The following NAV2 variants were observed in gnomAD, a reference collection of about 807,000 sequenced individuals.
The protein encoded by NAV2 is helicase, APC down-regulated 1.
NAV2 carries 54 observed loss-of-function variants against 223.2 expected under a neutral mutation model. The ratio of observed to expected loss-of-function variants is 0.24; its 90% confidence interval spans 0.19 to 0.30. NAV2 has a LOEUF of 0.30. Ranked by LOEUF, NAV2 falls within the 10% of genes least tolerant of loss-of-function variation. The pLI is 1.00. For missense variants in NAV2, 2,806 were observed against 3,147.5 expected (o/e 0.89, Z 2.60); for synonymous variants, 1,279 against 1,239.3 (o/e 1.03, Z -0.67).
At chr11:19,614,263 G>T (rs2046728594) in intron 1 of NAV2, among the ~76,000 whole-genome samples, 1 of 152,154 alleles carries the variant, frequency 6.6e-6, no homozygotes, top group Non-Finnish European at 1.5e-5. Context: ...TGCTGGCTGT[G>T]TTCTTCTCCA....
intron 11 of NAV2, among the ~76,000 whole-genome samples, chr11:19,992,619 G>A (rs942694033): frequency 2.5e-5 from 3 of 121,344 alleles, no homozygotes; most frequent in African/African-American, 6.3e-5. Flanking sequence ...ATGGAGTCTC[G>A]CTCTGTTCCC....
chr11:19,723,900 T>C (rs536936498), intron 1 of NAV2, among the ~76,000 whole-genome samples: 39 of 152,328 alleles, frequency 2.6e-4, no homozygotes, highest in African/African-American at 9.1e-4. Context: ...TACTTCAAAA[T>C]GTGTGGGCCA....
intron 1 of NAV2, among the ~76,000 whole-genome samples, chr11:19,386,769 A>T (rs1849059200): frequency 6.6e-6 from 1 of 152,144 alleles, no homozygotes; most frequent in African/African-American, 2.4e-5. Flanking sequence ...CTGTGACTCG[A>T]AAAGGCAATG....
intron 10 of NAV2, among the ~76,000 whole-genome samples, chr11:19,954,319 C>G (rs1332299567): frequency 6.6e-6 from 1 of 152,126 alleles, no homozygotes; most frequent in African/African-American, 2.4e-5. Context: ...TCCTTGGTGG[C>G]AGGAATTACT....
At chr11:19,396,638 C>T (rs1849461244) in intron 1 of NAV2, among the ~76,000 whole-genome samples, 1 of 152,132 alleles carries the variant, frequency 6.6e-6, no homozygotes, top group Non-Finnish European at 1.5e-5. Flanking sequence ...GGTTCTCGGG[C>T]CCTGCTCTCT....
At chr11:20,015,659 C>T (rs1284384115) in intron 11 of NAV2, among the ~76,000 whole-genome samples, 1 of 152,206 alleles carries the variant, frequency 6.6e-6, no homozygotes, top group East Asian at 1.9e-4. Flanking sequence ...TAGAGAGAGA[C>T]ATCTTCTCTT....
chr11:19,405,807 G>A (rs1184942463), intron 1 of NAV2, among the ~76,000 whole-genome samples: 4 of 152,224 alleles, frequency 2.6e-5, no homozygotes, highest in Non-Finnish European at 5.9e-5. Context: ...GAACATGATT[G>A]TTCTCATTTT....
At chr11:19,947,244 G>A (rs1402118259) in intron 9 of NAV2, among the ~76,000 whole-genome samples, 1 of 152,192 alleles carries the variant, frequency 6.6e-6, no homozygotes, top group Non-Finnish European at 1.5e-5. Flanking sequence ...GAAGATTGGG[G>A]TTAACCACTG....
rs188474648 is a variant in NAV2, at chr11:20,008,114, C to T, written c.2768+23867C>T. ...AGGCACGGTGGCTTATGCCTGTAAT[C>T]CCAGCACTTTGGGAGGCCAAGGCGG... is the stretch of plus-strand genomic sequence containing the variant. On this transcript the variant is annotated intron_variant, in intron 11 of 37. Transcript: ENST00000349880. Among the ~76,000 whole-genome samples the T allele has an allele frequency of 4.6e-5, 7 of 152,236 alleles. No individual in the cohort carries two copies. In the East Asian group the frequency reaches 1.4e-3, roughly 29 times the overall value.
At chr11:19,547,866 C>T (rs2044554716) in intron 1 of NAV2, among the ~76,000 whole-genome samples, 1 of 152,156 alleles carries the variant, frequency 6.6e-6, no homozygotes, top group East Asian at 1.9e-4. Flanking sequence ...GTTCCAATTC[C>T]ATACTAATTA....
At chr11:19,839,050 T>G (rs919470097) in intron 2 of NAV2, among the ~76,000 whole-genome samples, 1 of 152,164 alleles carries the variant, frequency 6.6e-6, no homozygotes, top group African/African-American at 2.4e-5. Context: ...CAGAAGAAAG[T>G]GGGCCTTTTG....
intron 1 of NAV2, among the ~76,000 whole-genome samples, chr11:19,599,079 C>G (rs573947338): frequency 6.6e-6 from 1 of 152,204 alleles, no homozygotes; most frequent in African/African-American, 2.4e-5. Context: ...AGGCCACCCA[C>G]GTTTGGAGGT....
chr11:20,116,628 A>G (rs1410513446), intron 37 of NAV2, among the ~76,000 whole-genome samples: 1 of 152,188 alleles, frequency 6.6e-6, no homozygotes, highest in African/African-American at 2.4e-5. Flanking sequence ...TAACATTTGT[A>G]TCACTGGTTG....
intron 6 of NAV2, among the ~76,000 whole-genome samples, chr11:19,904,234 C>G (rs2042679473): frequency 1.3e-5 from 2 of 152,118 alleles, no homozygotes; most frequent in Non-Finnish European, 2.9e-5. Flanking sequence ...TTCATATATT[C>G]ATGTGTCTGA....
intron 1 of NAV2, among the ~76,000 whole-genome samples, chr11:19,513,893 T>A (rs2134253844): frequency 6.6e-6 from 1 of 152,280 alleles, no homozygotes; most frequent in South Asian, 2.1e-4. Flanking sequence ...CAAGGCTTGA[T>A]GGCCACTACC....
At position 19,646,598 on chromosome 11, in the gene NAV2, G is replaced by A. The variant is rs556998014; in HGVS notation, c.76-185886G>A. On this transcript the variant is annotated intron_variant, in intron 1 of 37. Coordinates refer to the NAV2 transcript ENST00000360655. ...TGGGTTCAGAAGAGTTACAGTACAG[G>A]ATCTGGGGAGCTTCCCAGGGTGTGG... Among the ~76,000 whole-genome samples the A allele has an allele frequency of 2.6e-5, 4 of 152,288 alleles. No homozygotes were observed. In the South Asian group the frequency reaches 6.2e-4, roughly 24 times the overall value.
chr11:19,770,591 G>A (rs1305730687), intron 1 of NAV2, among the ~76,000 whole-genome samples: 1 of 152,156 alleles, frequency 6.6e-6, no homozygotes, highest in Non-Finnish European at 1.5e-5. Flanking sequence ...TGGATTCATG[G>A]GAATAGCATG....
intron 1 of NAV2, among the ~76,000 whole-genome samples, chr11:19,756,473 G>A (rs2054241704): frequency 6.6e-6 from 1 of 152,192 alleles, no homozygotes; most frequent in Non-Finnish European, 1.5e-5. Context: ...GCAAGGGGCA[G>A]TCATGAAGGG....
intron 1 of NAV2, among the ~76,000 whole-genome samples, chr11:19,406,434 G>T (rs1196978817): frequency 2.6e-5 from 4 of 152,164 alleles, no homozygotes; most frequent in Non-Finnish European, 5.9e-5. Context: ...TTTTCCAGAA[G>T]AGGAAAAGGG....
Sources: allele counts gnomAD v4.1 joint callset (sites outside exome capture counted in the v4.1 genomes callset), GRCh38; gene constraint gnomAD v4.1.1; transcripts MANE v1.5; gene names NCBI Gene and HGNC (gene_info 2026-07-23, HGNC 2026-07-21).